The following BUD13 variants were observed in gnomAD, a reference collection of about 807,000 sequenced individuals.
BUD13 encodes the protein BUD13 spliceosome associated protein.
Under a neutral mutation model 62.5 loss-of-function variants are expected in BUD13, and 47 were observed. The ratio of observed to expected loss-of-function variants is 0.75; its 90% CI spans 0.60 to 0.96. The LOEUF (loss-of-function observed/expected upper bound fraction) is 0.96. Among genes scored for constraint, BUD13 ranks in the 40% least tolerant of loss-of-function variants. The pLI is 0.00. For synonymous variants in BUD13, 293 were observed against 280.1 expected, an observed-to-expected ratio of 1.05 and a Z score of -0.46; for missense variants, 821 against 790.9, an observed-to-expected ratio of 1.04 and a Z score of -0.46.
intron 3 of BUD13, among the ~76,000 whole-genome samples, chr11:116,763,660 C>T (rs1339605509): frequency 1.3e-5 from 2 of 152,152 alleles, no homozygotes; most frequent in Non-Finnish European, 2.9e-5. Context: ...AGTCTTCTAA[C>T]TCCCAGTCCA....
Position 116,765,870 on chromosome 11 carries a change from G to A in BUD13, c.238-424C>T, listed in dbSNP as rs368445925. On this transcript the variant is annotated intron_variant, in intron 2 of 9. Transcript: ENST00000260210. ...TTTCTATGAATCCTTTCTTGTTGTA[G>A]GTAGTCACAGTGATAGGTTTTCTTG... is the stretch of plus-strand genomic sequence containing the variant. 1.9e-4 allele frequency among the ~76,000 whole-genome samples: 29 copies of A among 152,240 alleles called. No homozygotes were observed. The East Asian group carries it at 5.0e-3, about 26-fold the overall frequency.
chr11:116,750,895 G>A (rs976664098), intron 9 of BUD13, among the ~76,000 whole-genome samples: 3 of 152,094 alleles, frequency 2.0e-5, no homozygotes, highest in Admixed American at 1.3e-4. Flanking sequence ...TCCAACAACA[G>A]CAAATTACTT....
At chr11:116,755,296 A>AT (rs1432611934) in intron 9 of BUD13, among the ~76,000 whole-genome samples, 1 of 152,242 alleles carries the variant, frequency 6.6e-6, no homozygotes, top group Non-Finnish European at 1.5e-5. Flanking sequence ...GAGTTTTGTG[A>AT]TAAGACCGGA....
intron 9 of BUD13, among the ~76,000 whole-genome samples, chr11:116,753,421 C>A (rs1213712559): frequency 6.6e-6 from 1 of 152,166 alleles, no homozygotes; most frequent in Non-Finnish European, 1.5e-5. Context: ...AAGAACTGAG[C>A]AAAGATTGTA....
intron 9 of BUD13, 99 bp from the exon 10 acceptor site, chr11:116,748,674 A>T (rs377491137): frequency 0.012 from 14,293 of 1,215,550 alleles, 95 homozygotes; most frequent in Non-Finnish European, 0.013. Flanking sequence ...AAGGGGGGAA[A>T]GTAAGGAGTC....
At chr11:116,769,896 A>T (rs1032011368) in intron 2 of BUD13, among the ~76,000 whole-genome samples, 16 of 146,834 alleles carry the variant, frequency 1.1e-4, no homozygotes, top group South Asian at 2.1e-4. Context: ...TACAAAAATT[A>T]AAAAAAAAAA....
At chr11:116,749,671 A>G (rs1940199686) in intron 9 of BUD13, among the ~76,000 whole-genome samples, 1 of 152,242 alleles carries the variant, frequency 6.6e-6, no homozygotes, top group South Asian at 2.1e-4. Flanking sequence ...GCAGAGGCCA[A>G]TGCATAATGA....
intron 3 of BUD13, 98 bp from the exon 4 acceptor site, chr11:116,763,364 T>A: frequency 9.2e-7 from 1 of 1,083,644 alleles, no homozygotes; most frequent in Non-Finnish European, 1.3e-6. Context: ...AGCACATACC[T>A]CAGAACTGCT....
At chr11:116,764,666 T>C (rs1940497244) in intron 3 of BUD13, among the ~76,000 whole-genome samples, 1 of 152,154 alleles carries the variant, frequency 6.6e-6, no homozygotes, top group African/African-American at 2.4e-5. Context: ...AAAAATCAAA[T>C]ACCTACTAGC....
At chr11:116,765,999 C>A (rs1397775165) in intron 2 of BUD13, among the ~76,000 whole-genome samples, 1 of 152,228 alleles carries the variant, frequency 6.6e-6, no homozygotes, top group Non-Finnish European at 1.5e-5. Flanking sequence ...TCAGAATCTT[C>A]TCTATAGTAT....
At chr11:116,764,456 G>C (rs1172381763) in intron 3 of BUD13, among the ~76,000 whole-genome samples, 2 of 152,116 alleles carry the variant, frequency 1.3e-5, no homozygotes. Context: ...ATAACAAATT[G>C]GGATGGGGGA....
intron 9 of BUD13, among the ~76,000 whole-genome samples, chr11:116,756,140 G>A (rs1160830462): frequency 1.3e-5 from 2 of 151,982 alleles, no homozygotes; most frequent in African/African-American, 2.4e-5. Context: ...CCCGGGAAGT[G>A]GAGATTGCAC....
At chr11:116,767,861 T>C (rs905570094) in intron 2 of BUD13, among the ~76,000 whole-genome samples, 1 of 151,500 alleles carries the variant, frequency 6.6e-6, no homozygotes, top group Non-Finnish European at 1.5e-5. Flanking sequence ...TGGTACCAGC[T>C]ACGTGCAGGA....
chr11:116,759,168 C>T lies in BUD13; in HGVS notation c.1266G>A (p.Met422Ile), dbSNP rs1374703964. 14 of 1,613,792 alleles carry T rather than the reference C, an allele frequency of 8.7e-6. No homozygotes were observed. Among genetic ancestry groups the T allele is most frequent in the African/African-American group, 2.7e-5 (2 of 74,916 alleles). The stretch of plus-strand genomic sequence containing the variant: ...CCAACCCAGTTTTAGCCCCAGAATA[C>T]ATGTGTGCAGCCTATGCAACGGAAA... ...SQPPGKKAAH[M>I]YSGAKTGLVL... is the part of the protein sequence containing the mutation. The change falls in exon 6 of 10, where the codon ATG (methionine) becomes ATA (isoleucine). Residue 422 changes from methionine to isoleucine, a missense_variant. Physicochemically the swap from Met to Ile is conservative, Grantham distance 10 (BLOSUM62 1). Transcript: ENST00000260210.
At chr11:116,770,489 A>C in intron 1 of BUD13, among the ~76,000 whole-genome samples, 1 of 149,760 alleles carries the variant, frequency 6.7e-6, no homozygotes, top group Admixed American at 6.6e-5. Flanking sequence ...ACTCTTTTCA[A>C]TCTTTTTCTT....
intron 9 of BUD13, among the ~76,000 whole-genome samples, chr11:116,752,803 TTTTTTATTCTGG>T (rs1396282284): frequency 5.9e-5 from 9 of 152,124 alleles, no homozygotes; most frequent in African/African-American, 2.2e-4. Flanking sequence ...AGCCTTAAAT[TTTTTTATTCTGG>T]AGTTGGGGTC....
chr11:116,762,612 G>A lies in BUD13; in HGVS notation c.977C>T (p.Pro326Leu). 6.2e-7 allele frequency: 1 copy of A among 1,613,220 alleles called. No homozygotes were observed. Among genetic ancestry groups the A allele is most frequent in the Non-Finnish European group, 8.5e-7 (1 of 1,179,794 alleles). Residue 326 changes from proline (P) to leucine (L), a missense_variant, in exon 4 of 10, where the codon CCT becomes CTT. Physicochemically the swap from Pro to Leu is moderately conservative, Grantham distance 98. Around this residue, in one of 2 missense-constraint regions of BUD13, gnomAD observed 800 missense variants for 739.2 expected, o/e 1.08. Coordinates refer to ENST00000260210, the MANE Select transcript of BUD13 (RefSeq NM_032725.4). ...GGATTTTGCTTGCTTTTTTCGTGGA[G>A]GAGAGATGTCAGGGTCATACTCATA... ...SKYEYDPDIS[P>L]PRKKQAKSHF...
In BUD13 at chr11:116,759,082, G is replaced by A. The variant is rs1445493243; in HGVS notation, c.1352C>T (p.Ala451Val). 2 of 1,612,104 alleles carry A rather than the reference G, an allele frequency of 1.2e-6. No individual in the cohort carries two copies. Among genetic ancestry groups the A allele is most frequent in the Non-Finnish European group, 1.7e-6 (2 of 1,179,378 alleles). ...ELKEQDQETM[A>V]FEAEFQYAET... is the part of the protein sequence containing the mutation. ...CACTTTCATATTTTTACCTTCAAAT[G>A]CCATGGTTTCTTGATCCTGTTCCTT... Residue 451 changes from alanine (A) to valine (V), a missense_variant, in exon 6 of 10, where the codon GCA becomes GTA. Transcript: ENST00000260210.
At chr11:116,751,046 T>C (rs1940223288) in intron 9 of BUD13, among the ~76,000 whole-genome samples, 2 of 152,214 alleles carry the variant, frequency 1.3e-5, no homozygotes, top group African/African-American at 4.8e-5. Flanking sequence ...AGCTCCCACA[T>C]TTCATCCGTT....
Sources: allele counts gnomAD v4.1 joint callset (sites outside exome capture counted in the v4.1 genomes callset), GRCh38; gene constraint gnomAD v4.1.1; regional missense constraint gnomAD v4.1.1; transcripts MANE v1.5; gene names NCBI Gene and HGNC (gene_info 2026-07-23, HGNC 2026-07-21).